COL13A1: variants seen among roughly 807,000 people sequenced by gnomAD.
The protein encoded by COL13A1 is collagen type XIII alpha 1 chain.
COL13A1 carries 89 observed loss-of-function variants against 130.9 expected under a neutral mutation model. That is an observed-to-expected ratio of 0.68 (90% confidence interval 0.57 to 0.81). The LOEUF is 0.81. COL13A1 is among the 30% of genes least tolerant of loss of function. The pLI is 0.00. For synonymous variants in COL13A1, 402 were observed against 341.6 expected, an observed-to-expected ratio of 1.18 and a Z score of -1.95; for missense variants, 879 against 934.6, an observed-to-expected ratio of 0.94 and a Z score of 0.78.
chr10:69,824,437 G>A (rs985667257), intron 2 of COL13A1, among the ~76,000 whole-genome samples: 1 of 152,178 alleles, frequency 6.6e-6, no homozygotes, highest in Non-Finnish European at 1.5e-5. Context: ...TGGTTCTCAA[G>A]AGGTTTCAAT....
intron 1 of COL13A1, among the ~76,000 whole-genome samples, chr10:69,812,550 G>T (rs561476277): frequency 1.1e-4 from 16 of 152,290 alleles, no homozygotes; most frequent in Non-Finnish European, 1.8e-4. Flanking sequence ...TAGAGTCAAG[G>T]TGTGGGCTCT....
At position 69,935,152 on chromosome 10, in the gene COL13A1, T is replaced by C. The variant is rs150495980; in HGVS notation, c.1729-198T>C. 1.5e-4 allele frequency among the ~76,000 whole-genome samples: 23 copies of C among 152,252 alleles called. No homozygotes were observed. The East Asian group carries it at 3.1e-3, about 20-fold the overall frequency. On this transcript the variant is annotated intron_variant, in intron 31 of 40. Transcript: ENST00000645393. ...TTCCTGGAAATTTGCTTTTTCAACATTGAGCAGTCCACCGGGTTGCTATGA... is the reference window on the plus strand; with the variant it reads ...TTCCTGGAAATTTGCTTTTTCAACACTGAGCAGTCCACCGGGTTGCTATGA...
intron 2 of COL13A1, among the ~76,000 whole-genome samples, chr10:69,833,483 G>C (rs752348616): frequency 1.3e-5 from 2 of 152,174 alleles, no homozygotes; most frequent in Non-Finnish European, 2.9e-5. Context: ...GTTCAGTGCC[G>C]TGGGATGCAA....
At chr10:69,932,463 G>A (rs189673084) in intron 30 of COL13A1, 97 bp from the exon 31 acceptor site, 4 of 836,576 alleles carry the variant, frequency 4.8e-6, no homozygotes, top group African/African-American at 1.7e-5. Flanking sequence ...CCCTAGACCA[G>A]TCACGTCCCA....
chr10:69,955,265 G>A (rs138710983), intron 39 of COL13A1: 6 of 152,374 alleles, frequency 3.9e-5, no homozygotes, highest in African/African-American at 9.6e-5. Flanking sequence ...GCAAGCAGGC[G>A]GGTAGCATGC....
In COL13A1 at chr10:69,872,259, T is replaced by C. The variant is rs770520184; in HGVS notation, c.399+49T>C. On this transcript the variant is annotated intron_variant, in intron 4 of 40. Coordinates refer to ENST00000645393, the MANE Select transcript of COL13A1 (RefSeq NM_001368882.1). ...TCCTTTGCATCTCTTTTACGTGCTT[T>C]TCTCAGTCTGAGGACTGGCTAGGTT... 14 of 1,610,324 alleles carry C rather than the reference T, an allele frequency of 8.7e-6. No individual in the cohort carries two copies. The Admixed American group carries it at 2.3e-4, about 27-fold the overall frequency.
At chr10:69,806,113 A>G (rs778231388) in intron 1 of COL13A1, among the ~76,000 whole-genome samples, 5 of 152,260 alleles carry the variant, frequency 3.3e-5, no homozygotes, top group African/African-American at 9.6e-5. Context: ...AAAAGGTGCC[A>G]TCACCAAAGG....
chr10:69,932,293 G>C (rs1163171552), intron 30 of COL13A1, among the ~76,000 whole-genome samples: 5 of 152,158 alleles, frequency 3.3e-5, no homozygotes, highest in African/African-American at 7.2e-5. Flanking sequence ...CCTTTGCCAT[G>C]TGCCTTACTC....
At chr10:69,855,041 C>T (rs974055768) in intron 2 of COL13A1, among the ~76,000 whole-genome samples, 9 of 152,238 alleles carry the variant, frequency 5.9e-5, no homozygotes, top group Admixed American at 2.0e-4. Flanking sequence ...CCACCGTTTA[C>T]TTGTGATTTG....
intron 13 of COL13A1, chr10:69,897,608 C>A (rs2061779952): frequency 1.3e-6 from 2 of 1,507,366 alleles, no homozygotes; most frequent in African/African-American, 2.7e-5. Context: ...CATTGCACAT[C>A]CCCAGGCCCC....
intron 30 of COL13A1, chr10:69,931,107 A>G: frequency 2.2e-6 from 1 of 454,506 alleles, no homozygotes; most frequent in Non-Finnish European, 4.4e-6. Context: ...AGTTGGTCAC[A>G]CTCAGCAAGA....
intron 1 of COL13A1, among the ~76,000 whole-genome samples, chr10:69,810,345 A>T (rs1842640799): frequency 1.0e-5 from 1 of 98,068 alleles, no homozygotes; most frequent in Non-Finnish European, 2.0e-5. Context: ...AGGCCCTGAG[A>T]ATGAGAGAGA....
chr10:69,892,049 C>T (rs1007008286), intron 10 of COL13A1, among the ~76,000 whole-genome samples: 2 of 152,142 alleles, frequency 1.3e-5, no homozygotes, highest in Admixed American at 6.5e-5. Context: ...CACACTTGAC[C>T]GCCTGTCCAG....
At chr10:69,857,217 C>T (rs1435959875) in intron 2 of COL13A1, among the ~76,000 whole-genome samples, 1 of 152,170 alleles carries the variant, frequency 6.6e-6, no homozygotes, top group Non-Finnish European at 1.5e-5. Flanking sequence ...GACAGGGGCC[C>T]ACGGAAGTAA....
chr10:69,818,678 G>T (rs1845246164), intron 1 of COL13A1, among the ~76,000 whole-genome samples: 1 of 152,184 alleles, frequency 6.6e-6, no homozygotes, highest in South Asian at 2.1e-4. Context: ...AGCCTGAAGG[G>T]CCAAGAACCA....
chr10:69,946,721 C>T (rs998543923), intron 37 of COL13A1, among the ~76,000 whole-genome samples: 4 of 152,316 alleles, frequency 2.6e-5, no homozygotes, highest in African/African-American at 9.6e-5. Flanking sequence ...GTAGTGACCT[C>T]GGGAAAACCC....
intron 2 of COL13A1, among the ~76,000 whole-genome samples, chr10:69,831,490 C>G (rs573003215): frequency 6.6e-6 from 1 of 152,288 alleles, no homozygotes; most frequent in East Asian, 1.9e-4. Flanking sequence ...GCTATTTGGT[C>G]CCCTGGTGAG....
intron 22 of COL13A1, among the ~76,000 whole-genome samples, chr10:69,922,430 A>G (rs566891027): frequency 5.3e-5 from 8 of 152,320 alleles, no homozygotes; most frequent in African/African-American, 1.9e-4. Flanking sequence ...CATTTTGAAT[A>G]TTCTCAACCC....
chr10:69,945,053 T>C (rs1468764400), intron 36 of COL13A1, among the ~76,000 whole-genome samples: 1 of 152,170 alleles, frequency 6.6e-6, no homozygotes, highest in Non-Finnish European at 1.5e-5. Flanking sequence ...GTCAGCTGAG[T>C]GGAGGCAGGG....
Sources: allele counts gnomAD v4.1 joint callset (sites outside exome capture counted in the v4.1 genomes callset), GRCh38; gene constraint gnomAD v4.1.1; transcripts MANE v1.5; gene names NCBI Gene and HGNC (gene_info 2026-07-23, HGNC 2026-07-21).